The following TRAPPC8 variants were observed in gnomAD, a reference collection of about 807,000 sequenced individuals.
TRAPPC8 encodes the protein trafficking protein particle complex subunit 8.
Under a neutral mutation model 174.3 loss-of-function variants are expected in TRAPPC8, and 54 were observed. The ratio of observed to expected loss-of-function variants is 0.31; its 90% CI spans 0.25 to 0.39. The LOEUF (loss-of-function observed/expected upper bound fraction) is 0.39, where lower values mean the gene tolerates loss of function less well. Ranked by LOEUF, TRAPPC8 falls within the 10% of genes least tolerant of loss-of-function variation. The pLI, the probability that TRAPPC8 is intolerant of heterozygous loss-of-function variation, is 1.00. For missense variants in TRAPPC8, 1,531 were observed against 1,699.1 expected (o/e 0.90, Z 1.74); for synonymous variants, 630 against 579.9 (o/e 1.09, Z -1.24).
At chr18:31,880,518 A>G (rs12964259) in intron 12 of TRAPPC8, among the ~76,000 whole-genome samples, 38,985 of 151,724 alleles carry the variant, frequency 0.26, 5,245 homozygotes, top group Middle Eastern at 0.38. Flanking sequence ...AGACCCATAT[A>G]TGACAAACTC....
chr18:31,857,820 G>A lies in TRAPPC8; in HGVS notation c.2908C>T (p.Leu970=). ...FGGNTAVLTP[L]SPSASENCSA... ...CAATTCTCAGAAGCTGAGGGACTTA[G>A]TGGTGTTAGAACAGCAGTATTACCA... Residue 970 remains leucine (L), a synonymous_variant, in exon 20 of 29, where the codon CTA becomes TTA. Coordinates refer to ENST00000283351, the MANE Select transcript of TRAPPC8 (RefSeq NM_014939.5). 1.2e-6 allele frequency: 2 copies of A among 1,614,204 alleles called. No homozygotes were observed. Among genetic ancestry groups the A allele is most frequent in the Non-Finnish European group, 1.7e-6 (2 of 1,180,042 alleles).
Position 31,870,443 on chromosome 18 carries a change from C to T in TRAPPC8, c.2317G>A (p.Asp773Asn), listed in dbSNP as rs1420296915. ...NPLKVLLLLT[D>N]LSLLWKFHPK... ...TGAAACTTCCAAAGCAATGACAAAT[C>T]AGTCAACAAAAGTAGAACTTTCAAA... Residue 773 changes from aspartate to asparagine, a missense_variant, in exon 16 of 29, where the codon GAT becomes AAT. Physicochemically the swap from Asp to Asn is conservative, Grantham distance 23. Coordinates refer to ENST00000283351, the MANE Select transcript of TRAPPC8 (RefSeq NM_014939.5). The T allele has an allele frequency of 3.1e-6, 5 of 1,612,716 alleles. No homozygotes were observed. The South Asian group carries it at 5.5e-5, about 18-fold the overall frequency.
At chr18:31,898,776 A>G (rs2036288261) in intron 10 of TRAPPC8, among the ~76,000 whole-genome samples, 2 of 152,234 alleles carry the variant, frequency 1.3e-5, no homozygotes, top group East Asian at 3.8e-4. Flanking sequence ...ATTTTAGAAA[A>G]GAATAAAAAC....
intron 1 of TRAPPC8, among the ~76,000 whole-genome samples, chr18:31,937,110 A>T (rs1281423504): frequency 6.6e-6 from 1 of 151,988 alleles, no homozygotes; most frequent in Admixed American, 6.6e-5. Flanking sequence ...GCTACTCAGG[A>T]GTCTGAGGCA....
chr18:31,901,682 T>A (rs1598706609), intron 9 of TRAPPC8, among the ~76,000 whole-genome samples: 1 of 152,306 alleles, frequency 6.6e-6, no homozygotes, highest in East Asian at 1.9e-4. Flanking sequence ...AGGGCACCAC[T>A]GGCTACATGG....
intron 2 of TRAPPC8, among the ~76,000 whole-genome samples, chr18:31,922,761 T>C (rs2037443873): frequency 6.6e-6 from 1 of 152,062 alleles, no homozygotes; most frequent in African/African-American, 2.4e-5. Context: ...CTCACGCCTG[T>C]AATCCCAGCA....
At position 31,864,745 on chromosome 18, in the gene TRAPPC8, T is replaced by A; in HGVS notation, c.2627A>T (p.Gln876Leu). Residue 876 changes from glutamine (Q) to leucine (L), a missense_variant, in exon 19 of 29, where the codon CAG becomes CTG. Physicochemically the swap from Gln to Leu is moderately radical, Grantham distance 113. Transcript: ENST00000283351. The part of the protein sequence containing the change: ...YSLSMSVRGK[Q>L]DLEIQGPRLN... The stretch of plus-strand genomic sequence containing the variant: ...TCGAGGACCTTGAATTTCTAAATCC[T>A]GCTTCCCTCGGACTGACATACTCAA... The A allele has an allele frequency of 1.2e-6, 2 of 1,612,180 alleles. No homozygotes were observed. The highest frequency in any genetic ancestry group is 2.2e-5 in the South Asian group (2 of 90,762).
At chr18:31,932,190 G>A (rs191424349) in intron 1 of TRAPPC8, among the ~76,000 whole-genome samples, 3 of 152,134 alleles carry the variant, frequency 2.0e-5, no homozygotes, top group African/African-American at 7.2e-5. Context: ...AGCACTTTGG[G>A]AGGCCGAGAC....
At chr18:31,935,580 G>C (rs996711671) in intron 1 of TRAPPC8, among the ~76,000 whole-genome samples, 24 of 110,248 alleles carry the variant, frequency 2.2e-4, no homozygotes, top group African/African-American at 1.0e-3. Flanking sequence ...CAGGCTTTAT[G>C]AACAAGCCTG....
chr18:31,864,691 G>T lies in TRAPPC8; in HGVS notation c.2681C>A (p.Ser894Tyr), dbSNP rs758784193. Residue 894 changes from serine to tyrosine, a missense_variant, in exon 19 of 29, where the codon TCT becomes TAT. Physicochemically the swap from Ser to Tyr is moderately radical, Grantham distance 144. Coordinates refer to ENST00000283351, the MANE Select transcript of TRAPPC8 (RefSeq NM_014939.5). Reference sequence around the variant, plus strand: ...ACGTCGATCAGGGCCATATTTAACAGATGTTTTCTCTTCTTTTGTGTTGTT... The same window carrying T: ...ACGTCGATCAGGGCCATATTTAACATATGTTTTCTCTTCTTTTGTGTTGTT... ...RLNNTKEEKT[S>Y]VKYGPDRRLD... 1 of 1,613,198 alleles carries T rather than the reference G, an allele frequency of 6.2e-7. No homozygotes were observed. Among genetic ancestry groups the T allele is most frequent in the South Asian group, 1.1e-5 (1 of 91,022 alleles).
intron 26 of TRAPPC8, chr18:31,844,569 T>C (rs2033283809): frequency 6.6e-6 from 1 of 152,064 alleles, no homozygotes; most frequent in African/African-American, 2.4e-5. Context: ...ATTTGAGACT[T>C]CTAAATTATA....
intron 12 of TRAPPC8, among the ~76,000 whole-genome samples, chr18:31,889,080 A>T (rs2035846653): frequency 6.6e-6 from 1 of 152,140 alleles, no homozygotes; most frequent in South Asian, 2.1e-4. Flanking sequence ...ATCTTAATTT[A>T]TAGTCATATT....
chr18:31,882,748 C>T (rs2035516796), intron 12 of TRAPPC8, among the ~76,000 whole-genome samples: 1 of 151,744 alleles, frequency 6.6e-6, no homozygotes, highest in Admixed American at 6.6e-5. Flanking sequence ...TCCCAAGTAG[C>T]TGGGATTACA....
chr18:31,897,110 A>G (rs2036215306), intron 11 of TRAPPC8, among the ~76,000 whole-genome samples: 1 of 152,198 alleles, frequency 6.6e-6, no homozygotes, highest in South Asian at 2.1e-4. Flanking sequence ...TTAAGGAGCA[A>G]ACAAAGGAGG....
intron 9 of TRAPPC8, 116 bp from the exon 10 acceptor site, chr18:31,901,141 T>A: frequency 2.5e-6 from 2 of 793,658 alleles, no homozygotes; most frequent in Non-Finnish European, 1.9e-6. Context: ...GATACACATG[T>A]ATAAACTTCA....
intron 2 of TRAPPC8, among the ~76,000 whole-genome samples, chr18:31,923,778 G>A (rs188012078): frequency 8.1e-4 from 123 of 152,014 alleles, no homozygotes; most frequent in African/African-American, 2.8e-3. Flanking sequence ...TTCTTCTGGT[G>A]TGTAGTTTAA....
chr18:31,914,154 G>GAAA (rs2037036567), intron 4 of TRAPPC8, among the ~76,000 whole-genome samples: 1 of 127,620 alleles, frequency 7.8e-6, no homozygotes, highest in Non-Finnish European at 1.7e-5. Context: ...AAAAAAGGAG[G>GAAA]AAAAACAAGA....
At chr18:31,861,949 C>CG (rs2034350353) in intron 19 of TRAPPC8, among the ~76,000 whole-genome samples, 1 of 19,022 alleles carries the variant, frequency 5.3e-5, no homozygotes, top group Non-Finnish European at 9.7e-5. Context: ...GGGGGGGGGG[C>CG]GGTGGGGGAG....
At chr18:31,897,706 GC>G in intron 11 of TRAPPC8, 79 bp downstream of exon 11, 2 of 1,013,224 alleles carry the variant, frequency 2.0e-6, no homozygotes, top group Non-Finnish European at 2.7e-6. Context: ...GTTTTGTAAA[GC>G]CTTTCAAGAA....
Sources: gnomAD v4.1 joint callset for allele counts (sites outside exome capture counted in the v4.1 genomes callset) on GRCh38, gnomAD v4.1.1 for gene constraint, MANE v1.5 for transcripts, NCBI Gene and HGNC (gene_info 2026-07-23, HGNC 2026-07-21) for gene names.